The following CSGALNACT1 variants were observed in gnomAD, a reference collection of about 807,000 sequenced individuals.
CSGALNACT1 encodes beta4GalNAcT-1.
A neutral mutation model predicts 51.0 loss-of-function variants in CSGALNACT1; 52 were observed. The ratio of observed to expected loss-of-function variants is 1.02; its 90% confidence interval spans 0.82 to 1.29. The LOEUF is 1.29. Ranked by LOEUF, CSGALNACT1 falls within the 50% of genes most tolerant of loss-of-function variation. The pLI is 0.00. For synonymous variants in CSGALNACT1, 341 were observed against 254.4 expected (o/e 1.34, Z -3.24); for missense variants, 935 against 679.2 (o/e 1.38, Z -4.19).
chr8:19,733,550 C>T (rs568424431), intron 1 of CSGALNACT1, among the ~76,000 whole-genome samples: 1 of 152,284 alleles, frequency 6.6e-6, no homozygotes, highest in African/African-American at 2.4e-5. Flanking sequence ...TATGGATTAT[C>T]GCTCACCTCC....
At chr8:19,678,615 C>T (rs1471745204) in intron 1 of CSGALNACT1, 7 of 152,162 alleles carry the variant, frequency 4.6e-5, no homozygotes, top group African/African-American at 1.7e-4. Flanking sequence ...ACAATAAAGT[C>T]ATCACTGGTG....
chr8:19,541,536 GCCACC>G (rs2085137428), intron 3 of CSGALNACT1, among the ~76,000 whole-genome samples: 2 of 132,658 alleles, frequency 1.5e-5, no homozygotes, highest in Non-Finnish European at 3.3e-5. Flanking sequence ...ACAGGTGTGA[GCCACC>G]GTGCTCAGCC....
At chr8:19,436,998 T>C (rs1272542872) in intron 6 of CSGALNACT1, among the ~76,000 whole-genome samples, 1 of 152,188 alleles carries the variant, frequency 6.6e-6, no homozygotes, top group Non-Finnish European at 1.5e-5. Context: ...TTGAACATTT[T>C]CTCCGTATGG....
At chr8:19,700,772 A>T (rs1404217444) in intron 1 of CSGALNACT1, among the ~76,000 whole-genome samples, 2 of 152,176 alleles carry the variant, frequency 1.3e-5, no homozygotes, top group Non-Finnish European at 2.9e-5. Context: ...AAGGCAATCA[A>T]CCTCTATAAA....
chr8:19,648,937 C>G (rs1428024764), intron 1 of CSGALNACT1, among the ~76,000 whole-genome samples: 2 of 152,164 alleles, frequency 1.3e-5, no homozygotes, highest in Non-Finnish European at 2.9e-5. Flanking sequence ...ATAAATCAGA[C>G]TCTACAGTGT....
intron 5 of CSGALNACT1, among the ~76,000 whole-genome samples, chr8:19,449,633 A>T (rs532131882): frequency 6.6e-6 from 1 of 152,332 alleles, no homozygotes; most frequent in East Asian, 1.9e-4. Context: ...TGCTATAGAA[A>T]ATTCAAGTAC....
chr8:19,679,640 G>A (rs1435239501), intron 1 of CSGALNACT1, among the ~76,000 whole-genome samples: 2 of 152,032 alleles, frequency 1.3e-5, no homozygotes, highest in East Asian at 1.9e-4. Flanking sequence ...CTTTCAACCT[G>A]TGCACAAAGG....
intron 4 of CSGALNACT1, among the ~76,000 whole-genome samples, chr8:19,487,495 C>T (rs1180559777): frequency 6.6e-6 from 1 of 152,078 alleles, no homozygotes; most frequent in African/African-American, 2.4e-5. Flanking sequence ...GAGCTCTGAG[C>T]CTGACAAACT....
chr8:19,636,250 T>G (rs1699826622), intron 1 of CSGALNACT1, among the ~76,000 whole-genome samples: 1 of 152,220 alleles, frequency 6.6e-6, no homozygotes, highest in Non-Finnish European at 1.5e-5. Flanking sequence ...TTGTTATAAC[T>G]ATTCCATTTT....
chr8:19,521,962 C>T (rs2080817182), intron 3 of CSGALNACT1, among the ~76,000 whole-genome samples: 1 of 152,130 alleles, frequency 6.6e-6, no homozygotes, highest in Admixed American at 6.5e-5. Flanking sequence ...AAGTTGCTTC[C>T]ACATCTTGTA....
chr8:19,477,146 A>C (rs2069921229), intron 4 of CSGALNACT1, among the ~76,000 whole-genome samples: 1 of 152,238 alleles, frequency 6.6e-6, no homozygotes, highest in Non-Finnish European at 1.5e-5. Context: ...TAAATATGCT[A>C]TGCTGTCCAT....
At chr8:19,709,087 G>A (rs1234517912) in intron 1 of CSGALNACT1, among the ~76,000 whole-genome samples, 1 of 152,092 alleles carries the variant, frequency 6.6e-6, no homozygotes, top group Non-Finnish European at 1.5e-5. Context: ...TTACTCATTT[G>A]GAGATGCTGA....
At chr8:19,707,264 A>G (rs1284729445) in intron 1 of CSGALNACT1, among the ~76,000 whole-genome samples, 1 of 152,184 alleles carries the variant, frequency 6.6e-6, no homozygotes, top group African/African-American at 2.4e-5. Context: ...CTACATCCAT[A>G]AGTGTTCTAT....
chr8:19,552,207 G>A (rs544619685), intron 3 of CSGALNACT1, among the ~76,000 whole-genome samples: 3 of 152,206 alleles, frequency 2.0e-5, no homozygotes, highest in Admixed American at 1.3e-4. Context: ...AGTAGATGAA[G>A]AATTATTATA....
chr8:19,708,531 G>C (rs1202329390), intron 1 of CSGALNACT1, among the ~76,000 whole-genome samples: 1 of 152,174 alleles, frequency 6.6e-6, no homozygotes, highest in Non-Finnish European at 1.5e-5. Flanking sequence ...CAACTACTCA[G>C]CTACAAAACC....
chr8:19,606,365 A>C (rs1299456716), upstream of CSGALNACT1, among the ~76,000 whole-genome samples: 1 of 152,214 alleles, frequency 6.6e-6, no homozygotes, highest in Admixed American at 6.5e-5. Flanking sequence ...AGGGTCAGGA[A>C]CTATACAGAC....
chr8:19,653,299 C>T (rs1564355175), intron 1 of CSGALNACT1, among the ~76,000 whole-genome samples: 1 of 152,168 alleles, frequency 6.6e-6, no homozygotes, highest in Admixed American at 6.5e-5. Flanking sequence ...CTGTTGACAT[C>T]GCTGAGTATC....
intron 1 of CSGALNACT1, among the ~76,000 whole-genome samples, chr8:19,654,474 C>T (rs1397768515): frequency 1.3e-5 from 2 of 152,100 alleles, no homozygotes; most frequent in Admixed American, 1.3e-4. Flanking sequence ...GTTGAGTGAC[C>T]AGGATAAATT....
intron 1 of CSGALNACT1, among the ~76,000 whole-genome samples, chr8:19,728,693 G>A (rs935416458): frequency 2.0e-5 from 3 of 152,094 alleles, no homozygotes; most frequent in African/African-American, 4.8e-5. Flanking sequence ...GCAGAGGCAC[G>A]CTGCCTCTGC....
Sources: gnomAD v4.1 joint callset for allele counts (sites outside exome capture counted in the v4.1 genomes callset) on GRCh38, gnomAD v4.1.1 for gene constraint, MANE v1.5 for transcripts, NCBI Gene and HGNC (gene_info 2026-07-23, HGNC 2026-07-21) for gene names.